The following MCTP2 variants were observed in gnomAD, a reference collection of about 807,000 sequenced individuals.
The protein encoded by MCTP2 is multiple C2 and transmembrane domain-containing protein 2.
Under a neutral mutation model 111.6 loss-of-function variants are expected in MCTP2, and 132 were observed. The observed-to-expected ratio is 1.18, with a 90% CI of 1.03 to 1.37. The LOEUF is 1.37. MCTP2 is among the 40% of genes most tolerant of loss of function. The pLI, the probability that MCTP2 is intolerant of heterozygous loss-of-function variation, is 0.00. For synonymous variants in MCTP2, 395 were observed against 387.7 expected, an observed-to-expected ratio of 1.02 and a Z score of -0.22; for missense variants, 1,183 against 1,067.9, an observed-to-expected ratio of 1.11 and a Z score of -1.50.
At chr15:94,476,590 T>C (rs952633956) in intron 21 of MCTP2, 106 bp from the exon 22 acceptor site, 8 of 717,604 alleles carry the variant, frequency 1.1e-5, no homozygotes, top group South Asian at 5.3e-5. Flanking sequence ...GCTAGATAGA[T>C]AGATGATTGA....
intron 1 of MCTP2, among the ~76,000 whole-genome samples, chr15:94,278,480 G>A (rs2074321550): frequency 6.6e-6 from 1 of 152,130 alleles, no homozygotes; most frequent in African/African-American, 2.4e-5. Flanking sequence ...AACAATTCAG[G>A]ATAGAGTAAA....
At chr15:94,399,150 G>A in intron 15 of MCTP2, 88 bp downstream of exon 15, 1 of 714,976 alleles carries the variant, frequency 1.4e-6, no homozygotes, top group Non-Finnish European at 2.5e-6. Context: ...AATGTAAGAT[G>A]TTTCAGAATT....
intron 2 of MCTP2, among the ~76,000 whole-genome samples, chr15:94,304,468 C>A (rs2075790753): frequency 6.6e-6 from 1 of 152,176 alleles, no homozygotes; most frequent in South Asian, 2.1e-4. Context: ...ATTAAAGACT[C>A]TAATGTTCTT....
In MCTP2 at chr15:94,287,158, T is replaced by A. The variant is rs78953536; in HGVS notation, c.-65-11043T>A. ...TATTATTTCTTTAAGTTTTGCTTTGTCTGGAAAATACATTGTTCATTGGAG... is the reference window on the plus strand; with the variant it reads ...TATTATTTCTTTAAGTTTTGCTTTGACTGGAAAATACATTGTTCATTGGAG... On this transcript the variant is annotated intron_variant, in intron 1 of 22. Transcript: ENST00000357742. 7.2e-3 allele frequency among the ~76,000 whole-genome samples: 1,096 copies of A among 152,344 alleles called. 15 individuals carry two copies. Among genetic ancestry groups the A allele is most frequent in the African/African-American group, 0.025 (1,029 of 41,570 alleles).
intron 14 of MCTP2, among the ~76,000 whole-genome samples, chr15:94,396,139 C>T (rs2081271414): frequency 2.0e-5 from 3 of 152,140 alleles, no homozygotes; most frequent in Admixed American, 6.5e-5. Context: ...AAGTTAAAGA[C>T]ATCATTATTT....
intron 1 of MCTP2, among the ~76,000 whole-genome samples, chr15:94,242,982 T>TACACGTGTATATGTGTATCTACACATAC (rs2071120041): frequency 1.8e-5 from 2 of 110,276 alleles, no homozygotes; most frequent in Admixed American, 8.3e-5. Context: ...TATCTACACA[T>TACACGTGTATATGTGTATCTACACATAC]ACACGTGTAT....
intron 17 of MCTP2, among the ~76,000 whole-genome samples, chr15:94,433,251 T>C (rs1443975699): frequency 6.6e-6 from 1 of 152,218 alleles, no homozygotes; most frequent in Non-Finnish European, 1.5e-5. Context: ...TTAGCATGTA[T>C]ACATTTTCAT....
intron 12 of MCTP2, among the ~76,000 whole-genome samples, chr15:94,375,808 G>A (rs953373619): frequency 2.0e-5 from 3 of 152,094 alleles, no homozygotes; most frequent in Non-Finnish European, 4.4e-5. Flanking sequence ...TGATAAATAG[G>A]CATGTTAGGG....
At chr15:94,248,535 C>T (rs1232180952) in intron 1 of MCTP2, among the ~76,000 whole-genome samples, 2 of 152,196 alleles carry the variant, frequency 1.3e-5, no homozygotes, top group Non-Finnish European at 2.9e-5. Context: ...CTTGCTTTAA[C>T]TTTCCTTTGA....
intron 1 of MCTP2, among the ~76,000 whole-genome samples, chr15:94,293,287 A>G (rs1201762017): frequency 2.0e-5 from 3 of 152,192 alleles, no homozygotes; most frequent in Non-Finnish European, 2.9e-5. Context: ...AAAGTAGGGG[A>G]AATATTTGTG....
chr15:94,301,910 T>A (rs2152340985), intron 2 of MCTP2, among the ~76,000 whole-genome samples: 1 of 152,132 alleles, frequency 6.6e-6, no homozygotes, highest in Non-Finnish European at 1.5e-5. Context: ...GGTTCCTCTG[T>A]GTTTTAGATA....
intron 17 of MCTP2, among the ~76,000 whole-genome samples, chr15:94,425,176 T>C (rs1423356023): frequency 6.6e-6 from 1 of 152,184 alleles, no homozygotes; most frequent in Non-Finnish European, 1.5e-5. Flanking sequence ...GTGTTCTGAG[T>C]AGTATCCAAA....
chr15:94,257,429 A>C (rs960297224), intron 1 of MCTP2, among the ~76,000 whole-genome samples: 5 of 152,008 alleles, frequency 3.3e-5, no homozygotes, highest in African/African-American at 1.2e-4. Context: ...ACAAAATTCA[A>C]CCTTATCTCC....
At chr15:94,266,812 T>A (rs1409985422) in intron 1 of MCTP2, among the ~76,000 whole-genome samples, 1 of 152,148 alleles carries the variant, frequency 6.6e-6, no homozygotes, top group Non-Finnish European at 1.5e-5. Context: ...AGTCAGAAAA[T>A]GAAGCAGATA....
chr15:94,264,816 A>C (rs12909797), intron 1 of MCTP2, among the ~76,000 whole-genome samples: 2 of 152,156 alleles, frequency 1.3e-5, no homozygotes, highest in South Asian at 4.1e-4. Context: ...AATTAGAGTA[A>C]AGGATACTCA....
intron 1 of MCTP2, among the ~76,000 whole-genome samples, chr15:94,261,878 G>T (rs2073205997): frequency 6.6e-6 from 1 of 152,142 alleles, no homozygotes; most frequent in Non-Finnish European, 1.5e-5. Flanking sequence ...TTGGATTGAA[G>T]ATCTCACTTA....
At chr15:94,354,026 A>G (rs1413648156) in intron 8 of MCTP2, among the ~76,000 whole-genome samples, 1 of 151,408 alleles carries the variant, frequency 6.6e-6, no homozygotes, top group Non-Finnish European at 1.5e-5. Context: ...AATAATAACA[A>G]TAATAATAAT....
rs1023255464 is a variant in MCTP2 at position 94,257,874 on chromosome 15, C to T, written c.-66+26210C>T. Among the ~76,000 whole-genome samples, 12 of 149,744 alleles carry T rather than the reference C, an allele frequency of 8.0e-5. No homozygotes were observed. The South Asian group carries it at 1.1e-3, about 13-fold the overall frequency. On this transcript the variant is annotated intron_variant, in intron 1 of 22. Coordinates refer to ENST00000357742, the MANE Select transcript of MCTP2 (RefSeq NM_001385001.1). ...TGTCAGGATTACAGGCGTGAGCCAC[C>T]GTGCCTGGCCCATTTTCTTTTTTAA...
intron 12 of MCTP2, among the ~76,000 whole-genome samples, chr15:94,370,873 A>G (rs2079448186): frequency 6.6e-6 from 1 of 152,216 alleles, no homozygotes; most frequent in Admixed American, 6.5e-5. Context: ...AAGTAAATTG[A>G]TGAATACAAA....
Sources: gnomAD v4.1 joint callset for allele counts (sites outside exome capture counted in the v4.1 genomes callset) on GRCh38, gnomAD v4.1.1 for gene constraint, MANE v1.5 for transcripts, NCBI Gene and HGNC (gene_info 2026-07-23, HGNC 2026-07-21) for gene names.